The following OR52N4 variants were observed in gnomAD, a reference collection of about 807,000 sequenced individuals.
OR52N4 encodes the protein olfactory receptor 52N4.
Under a neutral mutation model 15.0 loss-of-function variants are expected in OR52N4, and 15 were observed. That is an observed-to-expected ratio of 1.00 (90% CI 0.67 to 1.54). The LOEUF (loss-of-function observed/expected upper bound fraction) is 1.54, where lower values mean the gene tolerates loss of function less well. Among genes scored for constraint, OR52N4 ranks in the 40% most tolerant of loss-of-function variants. The probability of loss-of-function intolerance (pLI) is 0.00; values close to 1 mark genes in which losing one functional copy is unlikely to be tolerated. For missense variants in OR52N4, 421 were observed against 394.0 expected, an observed-to-expected ratio of 1.07 and a Z score of -0.58; for synonymous variants, 143 against 143.7, an observed-to-expected ratio of 1.00 and a Z score of 0.03.
the OR52N4 span, among the ~76,000 whole-genome samples, chr11:5,744,844 C>T: frequency 1.3e-5 from 2 of 152,292 alleles, no homozygotes; most frequent in South Asian, 4.1e-4. Context: ...TCTCTTGAAC[C>T]TGGGAGGCAG....
At chr11:5,727,559 G>A in the OR52N4 span, 1 of 152,138 alleles carries the variant, frequency 6.6e-6, no homozygotes, top group African/African-American at 2.4e-5. Flanking sequence ...TTAAGAGGGG[G>A]ATAATGTCTT....
upstream of OR52N4, among the ~76,000 whole-genome samples, chr11:5,751,122 G>GTT (rs1854181493): frequency 6.6e-6 from 1 of 151,974 alleles, no homozygotes; most frequent in Non-Finnish European, 1.5e-5. Context: ...TGACTTGAGT[G>GTT]TTTTAGCTTT....
upstream of OR52N4, among the ~76,000 whole-genome samples, chr11:5,752,689 A>G (rs557864534): frequency 2.0e-5 from 3 of 152,302 alleles, no homozygotes; most frequent in South Asian, 6.2e-4. Context: ...AATTAATCCA[A>G]TTACATGTTG....
At chr11:5,748,659 A>T in the OR52N4 span, among the ~76,000 whole-genome samples, 1 of 152,008 alleles carries the variant, frequency 6.6e-6, no homozygotes, top group African/African-American at 2.4e-5. Flanking sequence ...ATAAACGTTA[A>T]TTGAAAGAAG....
chr11:5,752,370 A>C (rs1854208625), upstream of OR52N4, among the ~76,000 whole-genome samples: 1 of 152,198 alleles, frequency 6.6e-6, no homozygotes. Context: ...CTTACCCAAT[A>C]AGGCAGAACA....
the OR52N4 span, among the ~76,000 whole-genome samples, chr11:5,743,078 G>T: frequency 6.6e-6 from 1 of 152,188 alleles, no homozygotes; most frequent in African/African-American, 2.4e-5. Context: ...ACAATAGCAA[G>T]CAGGAGTAGT....
upstream of OR52N4, among the ~76,000 whole-genome samples, chr11:5,749,548 T>C (rs927585353): frequency 1.3e-5 from 2 of 151,970 alleles, no homozygotes; most frequent in African/African-American, 4.8e-5. Flanking sequence ...AATGAAAGAC[T>C]AGCTAGAGAA....
At chr11:5,734,550 T>C in the OR52N4 span, among the ~76,000 whole-genome samples, 3 of 152,104 alleles carry the variant, frequency 2.0e-5, no homozygotes, top group African/African-American at 7.2e-5. Flanking sequence ...TAGAATATAA[T>C]TGTAAAAAAA....
the OR52N4 span, among the ~76,000 whole-genome samples, chr11:5,727,732 C>T: frequency 6.6e-6 from 1 of 152,124 alleles, no homozygotes; most frequent in East Asian, 1.9e-4. Flanking sequence ...TACCCTGCTG[C>T]AGTTTAGAAG....
upstream of OR52N4, among the ~76,000 whole-genome samples, chr11:5,754,081 A>G (rs567303810): frequency 5.3e-4 from 80 of 151,850 alleles, no homozygotes; most frequent in African/African-American, 1.9e-3. Flanking sequence ...CAGACAACCC[A>G]ATTATATTAT....
chr11:5,737,448 T>A, the OR52N4 span: 5 of 1,613,622 alleles, frequency 3.1e-6, no homozygotes, highest in Non-Finnish European at 3.4e-6. Flanking sequence ...AGGGCAGCCT[T>A]CCAAAAGGTG....
chr11:5,745,149 C>T, the OR52N4 span, among the ~76,000 whole-genome samples: 1 of 152,044 alleles, frequency 6.6e-6, no homozygotes. Flanking sequence ...GCCAAAGATG[C>T]CCATGTTCAC....
At chr11:5,743,593 T>C in the OR52N4 span, among the ~76,000 whole-genome samples, 1 of 152,122 alleles carries the variant, frequency 6.6e-6, no homozygotes, top group East Asian at 1.9e-4. Context: ...CTCAAAAATA[T>C]ACAAATACTT....
At chr11:5,742,047 T>A in the OR52N4 span, among the ~76,000 whole-genome samples, 1 of 151,448 alleles carries the variant, frequency 6.6e-6, no homozygotes, top group Non-Finnish European at 1.5e-5. Flanking sequence ...CCAAGCAGAA[T>A]AGTACATTTC....
At chr11:5,732,989 T>C in the OR52N4 span, among the ~76,000 whole-genome samples, 1 of 147,656 alleles carries the variant, frequency 6.8e-6, no homozygotes, top group Non-Finnish European at 1.5e-5. Context: ...TCATAAATAT[T>C]ATAAAATTTA....
the OR52N4 span, chr11:5,736,171 A>G: frequency 4.1e-6 from 1 of 243,068 alleles, no homozygotes; most frequent in South Asian, 6.0e-5. Flanking sequence ...AATCCTCAAT[A>G]TAATTTATTT....
At chr11:5,737,022 C>G in the OR52N4 span, 1 of 1,614,156 alleles carries the variant, frequency 6.2e-7, no homozygotes, top group African/African-American at 1.3e-5. Context: ...ACTCCAGTGC[C>G]TGTGCTTGCA....
In OR52N4 at chr11:5,755,069, C is replaced by T; in HGVS notation, c.329C>T (p.Thr110Ile). Residue 110 changes from threonine to isoleucine, a missense_variant, in exon 2 of 2, where the codon ACA becomes ATA. By Grantham distance (89) the Thr-to-Ile change is moderately conservative. Transcript: ENST00000641350. Reference protein sequence around the residue: ...LVQMFFTHTFTGMESGVLMLM... With the variant: ...LVQMFFTHTFIGMESGVLMLM... ...CAGATGTTCTTCACCCACACCTTCA[C>T]AGGGATGGAGTCTGGGGTGCTTATG... The T allele has an allele frequency of 6.2e-7, 1 of 1,614,018 alleles. No homozygotes were observed. The highest frequency in any genetic ancestry group is 8.5e-7 in the Non-Finnish European group (1 of 1,179,964).
At chr11:5,748,472 A>C in the OR52N4 span, among the ~76,000 whole-genome samples, 1 of 151,598 alleles carries the variant, frequency 6.6e-6, no homozygotes, top group East Asian at 1.9e-4. Flanking sequence ...ATTTTTCCTA[A>C]TTTAATATAT....
Sources: gnomAD v4.1 joint callset for allele counts (sites outside exome capture counted in the v4.1 genomes callset) on GRCh38, gnomAD v4.1.1 for gene constraint, MANE v1.5 for transcripts, NCBI Gene and HGNC (gene_info 2026-07-23, HGNC 2026-07-21) for gene names.